The following POC1B variants were observed in gnomAD, a reference collection of about 807,000 sequenced individuals.
POC1B encodes POC1 centriolar protein B.
POC1B carries 44 observed loss-of-function variants against 60.6 expected under a neutral mutation model. The ratio of observed to expected loss-of-function variants is 0.73; its 90% CI spans 0.57 to 0.93. POC1B has a LOEUF of 0.93. Ranked by LOEUF, POC1B falls within the 40% of genes least tolerant of loss-of-function variation. The pLI, the probability that POC1B is intolerant of heterozygous loss-of-function variation, is 0.00. For missense variants in POC1B, 555 were observed against 572.3 expected (o/e 0.97, Z 0.31); for synonymous variants, 180 against 198.9 (o/e 0.90, Z 0.80).
intron 4 of POC1B, among the ~76,000 whole-genome samples, chr12:89,474,223 A>C (rs1032359606): frequency 1.3e-5 from 2 of 151,836 alleles, no homozygotes; most frequent in African/African-American, 4.8e-5. Context: ...AAAAAAAAAA[A>C]CCTGTAAAAA....
At chr12:89,503,527 T>C (rs10777175) in intron 2 of POC1B, among the ~76,000 whole-genome samples, 107,281 of 148,708 alleles carry the variant, frequency 0.72, 38,811 homozygotes, top group Middle Eastern at 0.81. Flanking sequence ...AGCCTCTGCC[T>C]GGCTGCCACC....
At chr12:89,431,635 A>G (rs947350555) in intron 10 of POC1B, among the ~76,000 whole-genome samples, 2 of 152,250 alleles carry the variant, frequency 1.3e-5, no homozygotes, top group Non-Finnish European at 2.9e-5. Context: ...TAATCTCTAC[A>G]TAAGATCTAA....
chr12:89,519,856 T>C (rs11831532), intron 2 of POC1B: 13,747 of 152,416 alleles, frequency 0.09, 769 homozygotes, highest in Middle Eastern at 0.16. Context: ...ATCCGTAAAG[T>C]TGGACACTAA....
At chr12:89,488,112 C>T (rs182843237) in intron 4 of POC1B, among the ~76,000 whole-genome samples, 398 of 152,158 alleles carry the variant, frequency 2.6e-3, no homozygotes, top group African/African-American at 9.0e-3. Flanking sequence ...AATTGTCTTA[C>T]ATTACGATTA....
At chr12:89,441,615 C>T (rs919783308) in intron 10 of POC1B, among the ~76,000 whole-genome samples, 2 of 152,132 alleles carry the variant, frequency 1.3e-5, no homozygotes, top group African/African-American at 4.8e-5. Flanking sequence ...CCCATGTGTA[C>T]GTCACCATCA....
chr12:89,516,797 C>T (rs1870462392), intron 2 of POC1B, among the ~76,000 whole-genome samples: 1 of 152,180 alleles, frequency 6.6e-6, no homozygotes, highest in African/African-American at 2.4e-5. Context: ...CTCCCAGGTC[C>T]TGATGTCTCT....
At chr12:89,501,798 T>C in intron 2 of POC1B, 1 of 1,060,970 alleles carries the variant, frequency 9.4e-7, no homozygotes. Flanking sequence ...AGAAAACAAA[T>C]CAGTCATCTA....
Position 89,425,178 on chromosome 12 carries a change from G to A in POC1B, c.1315C>T (p.Leu439Phe). 6.2e-7 allele frequency: 1 copy of A among 1,614,096 alleles called. No individual in the cohort carries two copies. The highest frequency in any genetic ancestry group is 1.7e-5 in the Admixed American group (1 of 60,008). Residue 439 changes from leucine to phenylalanine, a missense_variant, in exon 11 of 12, where the codon CTC (leucine) becomes TTC (phenylalanine). Physicochemically the swap from Leu to Phe is conservative, Grantham distance 22. Coordinates refer to ENST00000313546, the MANE Select transcript of POC1B (RefSeq NM_172240.3). ...TDALEHIMEQLNVLTQTVSIL... is the reference protein window; with the variant it reads ...TDALEHIMEQFNVLTQTVSIL... ...ATGCCCACCTGTGTCAAAACATTGA[G>A]TTGTTCCATAATATGCTCTAAAGCA...
intron 10 of POC1B, among the ~76,000 whole-genome samples, chr12:89,457,607 TTTTGTTTG>T (rs561034674): frequency 1.3e-5 from 2 of 152,128 alleles, no homozygotes; most frequent in African/African-American, 2.4e-5. Flanking sequence ...TTTTCCTGTG[TTTTGTTTG>T]TTTGTTTGTT....
chr12:89,418,462 G>A (rs1262157733), downstream of POC1B, among the ~76,000 whole-genome samples: 3 of 152,154 alleles, frequency 2.0e-5, no homozygotes, highest in Non-Finnish European at 4.4e-5. Flanking sequence ...ACTGTGGCCC[G>A]CTGTGCAAGG....
At chr12:89,414,248 G>A in the POC1B span, among the ~76,000 whole-genome samples, 5 of 152,220 alleles carry the variant, frequency 3.3e-5, no homozygotes, top group South Asian at 2.1e-4. Context: ...TTAGGTGATC[G>A]TTATTTCTCC....
chr12:89,464,014 T>C (rs1000550174), intron 9 of POC1B, among the ~76,000 whole-genome samples: 8 of 152,182 alleles, frequency 5.3e-5, no homozygotes, highest in Admixed American at 1.3e-4. Flanking sequence ...ATCATAAAAA[T>C]GTTATCTCGT....
chr12:89,475,392 A>G (rs1325753754), intron 4 of POC1B, among the ~76,000 whole-genome samples: 6 of 152,160 alleles, frequency 3.9e-5, no homozygotes, highest in South Asian at 2.1e-4. Context: ...AACAGAAACT[A>G]AAGGGGACTG....
intron 4 of POC1B, among the ~76,000 whole-genome samples, chr12:89,483,165 G>A (rs1868443903): frequency 6.6e-6 from 1 of 152,146 alleles, no homozygotes; most frequent in African/African-American, 2.4e-5. Context: ...GCCTCCCAAA[G>A]TGCTGGGATT....
At chr12:89,423,158 C>T (rs938590181) in intron 11 of POC1B, among the ~76,000 whole-genome samples, 1 of 151,574 alleles carries the variant, frequency 6.6e-6, no homozygotes, top group Non-Finnish European at 1.5e-5. Flanking sequence ...GTGCGTGCCA[C>T]CCTGCTCGGC....
At chr12:89,434,901 T>C (rs1307285693) in intron 10 of POC1B, among the ~76,000 whole-genome samples, 4 of 152,198 alleles carry the variant, frequency 2.6e-5, no homozygotes, top group Non-Finnish European at 5.9e-5. Flanking sequence ...TTAAAAGGGA[T>C]AAAAGATTTT....
chr12:89,408,549 G>A, the POC1B span, among the ~76,000 whole-genome samples: 24 of 150,576 alleles, frequency 1.6e-4, no homozygotes, highest in Non-Finnish European at 1.0e-4. Flanking sequence ...GCAGTGGTGC[G>A]ATCTCGGCTC....
chr12:89,518,368 A>G (rs1383981865), intron 2 of POC1B, among the ~76,000 whole-genome samples: 1 of 152,220 alleles, frequency 6.6e-6, no homozygotes, highest in African/African-American at 2.4e-5. Flanking sequence ...ACAATGATTC[A>G]AGTATTATTA....
the POC1B span, among the ~76,000 whole-genome samples, chr12:89,413,208 C>A: frequency 1.3e-5 from 2 of 151,594 alleles, no homozygotes; most frequent in Admixed American, 1.3e-4. Flanking sequence ...CTTTTTTCTT[C>A]CTTTTTTAAA....
Sources: gnomAD v4.1 joint callset for allele counts (sites outside exome capture counted in the v4.1 genomes callset) on GRCh38, gnomAD v4.1.1 for gene constraint, MANE v1.5 for transcripts, NCBI Gene and HGNC (gene_info 2026-07-23, HGNC 2026-07-21) for gene names.